The following ZNF45 variants were observed in gnomAD, a reference collection of about 807,000 sequenced individuals.
ZNF45 encodes the protein zinc finger protein 45.
Under a neutral mutation model 12.0 loss-of-function variants are expected in ZNF45, and 4 were observed. The observed-to-expected ratio is 0.33, with a 90% CI of 0.16 to 0.76. The LOEUF is 0.76. Ranked by LOEUF, ZNF45 falls within the 30% of genes least tolerant of loss-of-function variation. The pLI is 0.60. For synonymous variants in ZNF45, 272 were observed against 279.6 expected, an observed-to-expected ratio of 0.97 and a Z score of 0.27; for missense variants, 700 against 813.0, an observed-to-expected ratio of 0.86 and a Z score of 1.69.
intron 7 of ZNF45, 100 bp downstream of exon 7, chr19:43,922,071 C>T (rs1973229750): frequency 7.9e-7 from 1 of 1,269,860 alleles, no homozygotes; most frequent in Non-Finnish European, 1.1e-6. Flanking sequence ...TCTCAAATGT[C>T]TACCGTTCTC....
rs1251180112 is a variant in ZNF45, at chr19:43,912,859, T to G, written c.*528A>C. 1 of 152,576 alleles carries G rather than the reference T, an allele frequency of 6.6e-6. No individual in the cohort carries two copies. The highest frequency in any genetic ancestry group is 1.5e-5 in the Non-Finnish European group (1 of 68,352). 9.5% of individuals were successfully genotyped at this position (152,576 alleles called of 1,614,324 possible). ...TAACAAGCTGCAACCTTCAGTTTGA[T>G]AAACACTTGTCCACGAGATCTGCAA... On this transcript the variant is annotated 3_prime_UTR_variant, in exon 10 of 10. Transcript: ENST00000269973.
At chr19:43,915,786 G>A (rs533527352) in intron 9 of ZNF45, among the ~76,000 whole-genome samples, 145 of 152,082 alleles carry the variant, frequency 9.5e-4, no homozygotes, top group Non-Finnish European at 1.8e-3. Context: ...CCATCCCCCC[G>A]ACCCCAGTCT....
At chr19:43,931,168 T>C (rs1974111706) in intron 3 of ZNF45, 1 of 152,166 alleles carries the variant, frequency 6.6e-6, no homozygotes, top group East Asian at 1.9e-4. Context: ...CTATGCACAT[T>C]TGTTTAAATA....
intron 2 of ZNF45, among the ~76,000 whole-genome samples, chr19:43,932,906 T>TA (rs1373679954): frequency 2.6e-5 from 4 of 152,320 alleles, no homozygotes; most frequent in African/African-American, 9.6e-5. Flanking sequence ...CTCAAAACGT[T>TA]AAAGTCCTAA....
chr19:43,914,334 C>T lies in ZNF45; in HGVS notation c.1102G>A (p.Gly368Ser). ...TGAAGGTGTGAACCCACACTGAAAC[C>T]TTTCCCACACTCCTCACACTTATAG... ...KPYKCEECGK[G>S]FSVGSHLQAH... Residue 368 changes from glycine (G) to serine (S), a missense_variant, in exon 10 of 10, where the codon GGT becomes AGT. Transcript: ENST00000269973. 1 of 1,612,902 alleles carries T rather than the reference C, an allele frequency of 6.2e-7. No individual in the cohort carries two copies. Among genetic ancestry groups the T allele is most frequent in the Non-Finnish European group, 8.5e-7 (1 of 1,179,350 alleles).
intron 3 of ZNF45, among the ~76,000 whole-genome samples, chr19:43,930,556 C>T (rs1974053713): frequency 1.3e-5 from 2 of 152,148 alleles, no homozygotes; most frequent in Admixed American, 6.5e-5. Flanking sequence ...CCCAGGAAAC[C>T]AGGGGCATGG....
chr19:43,923,159 A>G (rs1973351348), intron 6 of ZNF45, among the ~76,000 whole-genome samples: 1 of 152,068 alleles, frequency 6.6e-6, no homozygotes, highest in East Asian at 1.9e-4. Flanking sequence ...TTTAACCTCT[A>G]CTTTAACCTC....
At chr19:43,932,531 A>G (rs1422002450) in intron 3 of ZNF45, 73 bp downstream of exon 3, 1 of 152,154 alleles carries the variant, frequency 6.6e-6, no homozygotes, top group Admixed American at 6.5e-5. Flanking sequence ...TAATCCTTCT[A>G]TTTTGTTCTC....
chr19:43,914,240 C>T lies in ZNF45; in HGVS notation c.1196G>A (p.Arg399Gln), dbSNP rs747087833. Residue 399 changes from arginine to glutamine, a missense_variant, in exon 10 of 10, where the codon CGG becomes CAG. Coordinates refer to ENST00000269973, the MANE Select transcript of ZNF45 (RefSeq NM_003425.4). ...KCEECGKGFC[R>Q]ASNLLDHQRG... is the part of the protein sequence containing the mutation. ...TTGATGGTCCAGCAGATTTGAGGCC[C>T]GGCAGAAGCCTTTCCCACACTCCTC... The T allele has an allele frequency of 1.7e-5, 27 of 1,613,024 alleles. No individual in the cohort carries two copies. The highest frequency in any genetic ancestry group is 6.7e-5 in the East Asian group (3 of 44,838).
intron 7 of ZNF45, among the ~76,000 whole-genome samples, chr19:43,920,016 C>T (rs1973000544): frequency 6.6e-6 from 1 of 152,088 alleles, no homozygotes; most frequent in Admixed American, 6.5e-5. Flanking sequence ...ATTTTCTTTT[C>T]AATTTTTCCC....
At chr19:43,930,030 C>G (rs1226607594) in intron 3 of ZNF45, 1 of 152,232 alleles carries the variant, frequency 6.6e-6, no homozygotes, top group Non-Finnish European at 1.5e-5. Context: ...TTATAAAGAA[C>G]AGAAATTTCT....
intron 9 of ZNF45, 35 bp from the exon 10 acceptor site, chr19:43,915,235 G>A (rs1477101694): frequency 6.9e-7 from 1 of 1,459,484 alleles, no homozygotes; most frequent in East Asian, 2.3e-5. Context: ...GATGGGGCAT[G>A]TGAATAATGT....
At chr19:43,922,778 T>TA (rs143708863) in intron 6 of ZNF45, among the ~76,000 whole-genome samples, 3,210 of 148,816 alleles carry the variant, frequency 0.022, 125 homozygotes, top group African/African-American at 0.072. Flanking sequence ...GCACATAACA[T>TA]AAAACCTGTG....
intron 7 of ZNF45, among the ~76,000 whole-genome samples, 185 bp downstream of exon 7, chr19:43,921,986 A>G (rs541460215): frequency 6.6e-6 from 1 of 152,348 alleles, no homozygotes; most frequent in East Asian, 1.9e-4. Context: ...ATCAAATTAT[A>G]AAGTCATAAA....
chr19:43,923,823 A>C (rs532197514), intron 6 of ZNF45, among the ~76,000 whole-genome samples: 1 of 152,194 alleles, frequency 6.6e-6, no homozygotes, highest in Admixed American at 6.5e-5. Flanking sequence ...TGGTTTCTAA[A>C]AGGTATAAGA....
chr19:43,915,783 C>T (rs1972611368), intron 9 of ZNF45, among the ~76,000 whole-genome samples: 1 of 152,168 alleles, frequency 6.6e-6, no homozygotes, highest in South Asian at 2.1e-4. Flanking sequence ...AAACCATCCC[C>T]CCGACCCCAG....
chr19:43,932,535 T>G (rs1467896039), intron 3 of ZNF45, 69 bp downstream of exon 3: 1 of 152,226 alleles, frequency 6.6e-6, no homozygotes, highest in African/African-American at 2.4e-5. Flanking sequence ...CCTTCTATTT[T>G]GTTCTCTAAT....
At chr19:43,930,432 C>A (rs543574243) in intron 3 of ZNF45, among the ~76,000 whole-genome samples, 1 of 152,306 alleles carries the variant, frequency 6.6e-6, no homozygotes, top group African/African-American at 2.4e-5. Context: ...GAAGTTCAAG[C>A]TCATAGAAGT....
At chr19:43,916,941 G>A (rs1322548653) in intron 9 of ZNF45, among the ~76,000 whole-genome samples, 1 of 151,822 alleles carries the variant, frequency 6.6e-6, no homozygotes, top group African/African-American at 2.4e-5. Context: ...GGGACTGATT[G>A]CTTCTAAAAT....
Sources: gnomAD v4.1 joint callset for allele counts (sites outside exome capture counted in the v4.1 genomes callset) on GRCh38, gnomAD v4.1.1 for gene constraint, MANE v1.5 for transcripts, NCBI Gene and HGNC (gene_info 2026-07-23, HGNC 2026-07-21) for gene names.